Variants in PI4KA observed in about 807,000 individuals in gnomAD.
The protein encoded by PI4KA is phosphatidylinositol 4-kinase alpha, also known as PI4-kinase alpha.
PI4KA carries 122 observed loss-of-function variants against 271.4 expected under a neutral mutation model. That is an observed-to-expected ratio of 0.45 (90% confidence interval 0.39 to 0.52). PI4KA has a LOEUF of 0.52. Ranked by LOEUF, PI4KA falls within the 20% of genes least tolerant of loss-of-function variation. The pLI is 0.00. For synonymous variants in PI4KA, 1,041 were observed against 1,078.8 expected, an observed-to-expected ratio of 0.96 and a Z score of 0.69; for missense variants, 1,969 against 2,769.1, an observed-to-expected ratio of 0.71 and a Z score of 6.48.
At position 20,820,616 on chromosome 22, in the gene PI4KA, AAC is replaced by A. The variant is rs745755430; in HGVS notation, c.457-7_457-6del. On this transcript the variant is annotated splice_polypyrimidine_tract_variant and splice_region_variant and intron_variant, in intron 4 of 54. Coordinates refer to ENST00000255882, the MANE Select transcript of PI4KA (RefSeq NM_058004.4). ...CTGCAAAAGCACCTCTAAAATCTGT[AAC>A]AGTCAAGGAAACAAGAAAAAAAAAA... 51 of 1,594,940 alleles carry A rather than the reference AAC, an allele frequency of 3.2e-5. No homozygotes were observed. The African/African-American group carries it at 6.6e-4, about 21-fold the overall frequency.
intron 19 of PI4KA, among the ~76,000 whole-genome samples, chr22:20,771,637 A>G (rs1016415749): frequency 2.0e-5 from 3 of 151,812 alleles, no homozygotes; most frequent in Non-Finnish European, 2.9e-5. Flanking sequence ...GCTGGAGTAC[A>G]GTGGCATGAA....
rs140529878 is a variant in PI4KA at position 20,774,833 on chromosome 22, T to C, written c.2329-9140A>G. ...ATATAGGAGACCTACTCTCAAATGG[T>C]CTAGAAGAAAAAATGTGTATGTGCA... On this transcript the variant is annotated intron_variant, in intron 19 of 54. Coordinates refer to ENST00000255882, the MANE Select transcript of PI4KA (RefSeq NM_058004.4). Among the ~76,000 whole-genome samples, 45 of 150,532 alleles carry C rather than the reference T, an allele frequency of 3.0e-4. No individual in the cohort carries two copies. In the Middle Eastern group the frequency reaches 0.014, roughly 47 times the overall value.
chr22:20,763,203 C>CCTGGG (rs1437225135), intron 22 of PI4KA, among the ~76,000 whole-genome samples: 2 of 151,766 alleles, frequency 1.3e-5, no homozygotes, highest in Admixed American at 6.6e-5. Flanking sequence ...ACCTCCACCT[C>CCTGGG]CTGGGTCAAG....
intron 37 of PI4KA, 28 bp from the exon 38 acceptor site, chr22:20,729,739 A>G (rs1241274937): frequency 1.9e-6 from 3 of 1,578,912 alleles, no homozygotes; most frequent in African/African-American, 1.3e-5. Context: ...GCACAGGTGT[A>G]GTCCTCAGAT....
chr22:20,818,233 T>G (rs562529986), intron 7 of PI4KA, among the ~76,000 whole-genome samples: 7 of 152,338 alleles, frequency 4.6e-5, no homozygotes, highest in African/African-American at 1.7e-4. Flanking sequence ...GTAAGTTATT[T>G]TCTGTACTTT....
chr22:20,743,783 G>A (rs939147396), intron 30 of PI4KA, among the ~76,000 whole-genome samples: 2 of 152,050 alleles, frequency 1.3e-5, no homozygotes, highest in African/African-American at 2.4e-5. Context: ...GGCTGGGCGC[G>A]GTGGCTCACG....
chr22:20,789,192 G>C (rs943865813), intron 19 of PI4KA, among the ~76,000 whole-genome samples: 1 of 152,190 alleles, frequency 6.6e-6, no homozygotes, highest in Non-Finnish European at 1.5e-5. Flanking sequence ...TAGTAGCTAT[G>C]AAACTCTAGT....
In PI4KA at chr22:20,707,900, T is replaced by C. The variant is rs1008841896; in HGVS notation, c.*147A>G. 10 of 784,914 alleles carry C rather than the reference T, an allele frequency of 1.3e-5. No homozygotes were observed. Among genetic ancestry groups the C allele is most frequent in the Non-Finnish European group, 2.3e-5 (10 of 429,750 alleles). The allele number at this position is 784,914 out of a possible 1,614,324, so 48.6% of individuals were successfully genotyped here. Reference sequence around the variant, plus strand: ...CGTTACCAAGGCTGCGCCACCCACGTGCTGCCCCAGGAGGCGCTACCAGGT... The same window carrying C: ...CGTTACCAAGGCTGCGCCACCCACGCGCTGCCCCAGGAGGCGCTACCAGGT... On this transcript the variant is annotated 3_prime_UTR_variant, in exon 55 of 55. Coordinates refer to ENST00000255882, the MANE Select transcript of PI4KA (RefSeq NM_058004.4).
chr22:20,715,979 C>T (rs1196041992), intron 45 of PI4KA, among the ~76,000 whole-genome samples: 2 of 152,158 alleles, frequency 1.3e-5, no homozygotes, highest in Non-Finnish European at 2.9e-5. Context: ...CAACCTCCAC[C>T]TCCTGGGTTC....
rs566362837 is a variant in PI4KA at position 20,843,704 on chromosome 22, G to A, written c.157-4973C>T. Among the ~76,000 whole-genome samples the A allele has an allele frequency of 2.0e-5, 3 of 152,220 alleles. No individual in the cohort carries two copies. In the South Asian group the frequency reaches 6.2e-4, roughly 32 times the overall value. On this transcript the variant is annotated intron_variant, in intron 1 of 54. Transcript: ENST00000255882. The stretch of plus-strand genomic sequence containing the variant: ...GCAGGCCATGTGTTATCCTATTCCT[G>A]TTTTACAGGTTAGGCAACTAGGTCC...
intron 36 of PI4KA, among the ~76,000 whole-genome samples, chr22:20,731,638 TA>T (rs1204262668): frequency 6.6e-6 from 1 of 151,572 alleles, no homozygotes; most frequent in Non-Finnish European, 1.5e-5. Context: ...TACTAAAAAA[TA>T]AAAAAATTGG....
At chr22:20,815,881 G>T (rs1400159140) in intron 7 of PI4KA, among the ~76,000 whole-genome samples, 1 of 152,106 alleles carries the variant, frequency 6.6e-6, no homozygotes, top group Non-Finnish European at 1.5e-5. Context: ...AACGACAGGG[G>T]CTGCAGGAAC....
intron 1 of PI4KA, among the ~76,000 whole-genome samples, chr22:20,852,107 G>A (rs1198449755): frequency 6.6e-6 from 1 of 152,156 alleles, no homozygotes; most frequent in African/African-American, 2.4e-5. Flanking sequence ...CTGGGTGACA[G>A]AGCAAGACTC....
chr22:20,800,404 T>C (rs1935227299), intron 14 of PI4KA, among the ~76,000 whole-genome samples: 1 of 152,096 alleles, frequency 6.6e-6, no homozygotes, highest in South Asian at 2.1e-4. Context: ...AGTGCAGGAG[T>C]CTGGGCAGCA....
chr22:20,798,417 G>T, intron 17 of PI4KA, 167 bp downstream of exon 17: 1 of 607,136 alleles, frequency 1.6e-6, no homozygotes, highest in Non-Finnish European at 3.0e-6. Context: ...TCACCTCCAG[G>T]TGGGGGCCAC....
At chr22:20,779,067 T>A (rs1214905598) in intron 19 of PI4KA, 1 of 987,152 alleles carries the variant, frequency 1.0e-6, no homozygotes, top group Non-Finnish European at 1.4e-6. Flanking sequence ...AGAAGGGATT[T>A]TCATCAAGGG....
intron 1 of PI4KA, among the ~76,000 whole-genome samples, chr22:20,858,275 T>A (rs1217555005): frequency 6.6e-6 from 1 of 152,116 alleles, no homozygotes; most frequent in South Asian, 2.1e-4. Flanking sequence ...ACCTCCGCGA[T>A]GTCACAAGAT....
At chr22:20,857,359 A>G (rs975920410) in intron 1 of PI4KA, among the ~76,000 whole-genome samples, 13 of 152,212 alleles carry the variant, frequency 8.5e-5, no homozygotes, top group Non-Finnish European at 1.5e-4. Flanking sequence ...AAGGTGCATG[A>G]TAAAATCAAA....
At position 20,707,875 on chromosome 22, in the gene PI4KA, C is replaced by T. The variant is rs1426592686; in HGVS notation, c.*172G>A. On this transcript the variant is annotated 3_prime_UTR_variant, in exon 55 of 55. Transcript: ENST00000255882. ...CATTGATTGTCGCTGCAGTCCATGG[C>T]GTTACCAAGGCTGCGCCACCCACGT... is the stretch of plus-strand genomic sequence containing the variant. 4.4e-5 allele frequency: 32 copies of T among 734,168 alleles called. No homozygotes were observed. Among genetic ancestry groups the T allele is most frequent in the East Asian group, 1.5e-4 (6 of 40,548 alleles). 45.5% of individuals were successfully genotyped at this position (734,168 alleles called of 1,614,324 possible).
Sources: allele counts gnomAD v4.1 joint callset (sites outside exome capture counted in the v4.1 genomes callset), GRCh38; gene constraint gnomAD v4.1.1; transcripts MANE v1.5; gene names NCBI Gene and HGNC (gene_info 2026-07-23, HGNC 2026-07-21).